NKAIN2: variants seen among roughly 807,000 people sequenced by gnomAD.
NKAIN2 encodes sodium/potassium transporting ATPase interacting 2.
Under a neutral mutation model 32.6 loss-of-function variants are expected in NKAIN2, and 14 were observed. That is an observed-to-expected ratio of 0.43 (90% CI 0.28 to 0.67). The LOEUF is 0.67. NKAIN2 is among the 30% of genes least tolerant of loss of function. The pLI, the probability that NKAIN2 is intolerant of heterozygous loss-of-function variation, is 0.17. For missense variants in NKAIN2, 198 were observed against 258.3 expected (o/e 0.77, Z 1.60); for synonymous variants, 80 against 87.2 (o/e 0.92, Z 0.46).
At chr6:123,929,247 A>G (rs1027232673) in intron 1 of NKAIN2, among the ~76,000 whole-genome samples, 1 of 152,148 alleles carries the variant, frequency 6.6e-6, no homozygotes, top group Non-Finnish European at 1.5e-5. Flanking sequence ...TGCATGATTG[A>G]TATGCTCAGT....
chr6:123,962,574 T>C (rs540346549), intron 1 of NKAIN2, among the ~76,000 whole-genome samples: 1 of 152,314 alleles, frequency 6.6e-6, no homozygotes, highest in Admixed American at 6.5e-5. Context: ...ATCTCCTTCA[T>C]TAATGGCTGG....
intron 1 of NKAIN2, among the ~76,000 whole-genome samples, chr6:124,157,466 T>C (rs927741471): frequency 2.6e-5 from 4 of 152,206 alleles, no homozygotes; most frequent in African/African-American, 9.6e-5. Flanking sequence ...GTAGCGCTAT[T>C]GCTTTATTTT....
At chr6:123,808,544 A>G (rs1038733414) in intron 1 of NKAIN2, among the ~76,000 whole-genome samples, 1 of 152,234 alleles carries the variant, frequency 6.6e-6, no homozygotes, top group African/African-American at 2.4e-5. Context: ...GGAGATACCT[A>G]GAAACTTCTT....
chr6:124,525,604 G>A (rs1395532677), intron 3 of NKAIN2, among the ~76,000 whole-genome samples: 2 of 151,934 alleles, frequency 1.3e-5, no homozygotes, highest in Non-Finnish European at 2.9e-5. Context: ...AATGGATTAT[G>A]GTATTATCCC....
intron 2 of NKAIN2, among the ~76,000 whole-genome samples, chr6:124,353,382 A>G (rs961859491): frequency 5.3e-5 from 8 of 152,162 alleles, no homozygotes; most frequent in South Asian, 2.1e-4. Flanking sequence ...GGGAGGTGAT[A>G]TTTGAATTAA....
intron 1 of NKAIN2, among the ~76,000 whole-genome samples, chr6:124,227,855 T>C (rs558969117): frequency 8.5e-5 from 13 of 152,168 alleles, no homozygotes; most frequent in Non-Finnish European, 1.6e-4. Context: ...AAAAGATCTG[T>C]CTTAGTTTGG....
At chr6:124,134,473 C>T (rs1786633957) in intron 1 of NKAIN2, among the ~76,000 whole-genome samples, 2 of 152,106 alleles carry the variant, frequency 1.3e-5, no homozygotes, top group African/African-American at 2.4e-5. Flanking sequence ...ATCACATGCT[C>T]AGGAGTTCAA....
At chr6:124,548,975 T>C (rs1780191812) in intron 3 of NKAIN2, among the ~76,000 whole-genome samples, 1 of 151,932 alleles carries the variant, frequency 6.6e-6, no homozygotes, top group South Asian at 2.1e-4. Context: ...ACTAAAGTGG[T>C]GTGGAAAATG....
At chr6:123,970,303 T>C (rs1778281791) in intron 1 of NKAIN2, among the ~76,000 whole-genome samples, 1 of 152,110 alleles carries the variant, frequency 6.6e-6, no homozygotes, top group South Asian at 2.1e-4. Context: ...ATATGAGAGT[T>C]TGGTGAGAAA....
At chr6:124,441,157 C>T (rs1775672210) in intron 3 of NKAIN2, among the ~76,000 whole-genome samples, 1 of 152,026 alleles carries the variant, frequency 6.6e-6, no homozygotes, top group Admixed American at 6.6e-5. Context: ...TTCTACCCCT[C>T]TTTTCTCTAA....
intron 3 of NKAIN2, among the ~76,000 whole-genome samples, chr6:124,616,428 C>T (rs929174267): frequency 1.2e-4 from 8 of 65,966 alleles, no homozygotes; most frequent in Admixed American, 2.9e-4. Context: ...TTTTCTTTTT[C>T]TTTTCTTTCT....
chr6:124,139,130 G>A (rs1229288797), intron 1 of NKAIN2, among the ~76,000 whole-genome samples: 3 of 120,270 alleles, frequency 2.5e-5, no homozygotes, highest in Admixed American at 2.2e-4. Flanking sequence ...CGCCCAGGCC[G>A]GACTGCGGAC....
At chr6:123,967,003 T>G (rs1473417289) in intron 1 of NKAIN2, among the ~76,000 whole-genome samples, 1 of 152,156 alleles carries the variant, frequency 6.6e-6, no homozygotes, top group Non-Finnish European at 1.5e-5. Context: ...TAAAACAACC[T>G]CCTGGGGTTT....
chr6:124,218,943 A>G (rs1013902963), intron 1 of NKAIN2, among the ~76,000 whole-genome samples: 5 of 152,208 alleles, frequency 3.3e-5, no homozygotes, highest in Non-Finnish European at 5.9e-5. Context: ...GAAAGTTACA[A>G]CCATGGCAGA....
At chr6:123,885,026 G>A (rs1176191152) in intron 1 of NKAIN2, among the ~76,000 whole-genome samples, 9 of 152,050 alleles carry the variant, frequency 5.9e-5, no homozygotes, top group African/African-American at 2.2e-4. Flanking sequence ...AATTCACAAG[G>A]TTTGGTCCAG....
At chr6:124,711,529 T>A (rs1296813960) in intron 4 of NKAIN2, among the ~76,000 whole-genome samples, 3 of 151,196 alleles carry the variant, frequency 2.0e-5, no homozygotes, top group Non-Finnish European at 2.9e-5. Context: ...TTTTTATTCT[T>A]TTTTCTCTAA....
chr6:124,377,308 A>G (rs1051888335), intron 3 of NKAIN2, among the ~76,000 whole-genome samples: 24 of 152,194 alleles, frequency 1.6e-4, no homozygotes, highest in African/African-American at 5.8e-4. Context: ...TTGAGAATCA[A>G]TTACATGGCC....
At chr6:124,102,837 A>T (rs975146752) in intron 1 of NKAIN2, among the ~76,000 whole-genome samples, 1 of 152,156 alleles carries the variant, frequency 6.6e-6, no homozygotes, top group East Asian at 1.9e-4. Flanking sequence ...TTGTTTTTTT[A>T]AAACACTTGT....
intron 2 of NKAIN2, among the ~76,000 whole-genome samples, chr6:124,339,751 A>G (rs1302861534): frequency 6.6e-6 from 1 of 152,154 alleles, no homozygotes; most frequent in Non-Finnish European, 1.5e-5. Context: ...TAATAGTAAC[A>G]TTCACAGGTC....
Sources: allele counts gnomAD v4.1 joint callset (sites outside exome capture counted in the v4.1 genomes callset), GRCh38; gene constraint gnomAD v4.1.1; transcripts MANE v1.5; gene names NCBI Gene and HGNC (gene_info 2026-07-23, HGNC 2026-07-21).